The following PDXDC1 variants were observed in gnomAD, a reference collection of about 807,000 sequenced individuals.
PDXDC1 encodes the protein pyridoxal dependent decarboxylase domain containing 1, also known as pyridoxal-dependent decarboxylase domain-containing protein 1.
In PDXDC1, 42 loss-of-function variants were observed where a neutral mutation model predicts 100.1. The observed-to-expected ratio is 0.42, with a 90% confidence interval of 0.33 to 0.54. PDXDC1 has a LOEUF of 0.54. PDXDC1 is among the 20% of genes least tolerant of loss of function. PDXDC1 has a pLI of 0.10. For missense variants in PDXDC1, 636 were observed against 979.2 expected, an observed-to-expected ratio of 0.65 and a Z score of 4.68; for synonymous variants, 260 against 371.7, an observed-to-expected ratio of 0.70 and a Z score of 3.46.
Position 15,133,692 on chromosome 16 carries a change from C to T in PDXDC1, c.1400-5187C>T, listed in dbSNP as rs568888205. On this transcript the variant is annotated intron_variant, in intron 16 of 16. Transcript: ENST00000535621. ...ACCAGCGGGGCGCCAGCATCCTCCGCGTCATGCCAGCCTGAGGGACGGTCC... is the reference window on the plus strand; with the variant it reads ...ACCAGCGGGGCGCCAGCATCCTCCGTGTCATGCCAGCCTGAGGGACGGTCC... 4.1e-5 allele frequency: 65 copies of T among 1,598,572 alleles called. No homozygotes were observed. In the African/African-American group the frequency reaches 5.8e-4, roughly 14 times the overall value.
At chr16:15,061,830 G>C (rs778944403) in intron 16 of PDXDC1, 11 of 1,614,000 alleles carry the variant, frequency 6.8e-6, no homozygotes, top group Non-Finnish European at 9.3e-6. Flanking sequence ...AAGGAGCTTG[G>C]TGTGATCCCA....
At chr16:15,064,129 A>C (rs1029754767) in intron 16 of PDXDC1, among the ~76,000 whole-genome samples, 3 of 152,108 alleles carry the variant, frequency 2.0e-5, no homozygotes, top group African/African-American at 7.2e-5. Context: ...AGGCTGGCCC[A>C]GTGGTTTTCT....
At chr16:15,048,004 T>TG in intron 16 of PDXDC1, 1 of 1,610,764 alleles carries the variant, frequency 6.2e-7, no homozygotes, top group Non-Finnish European at 8.5e-7. Flanking sequence ...TACCATCCTT[T>TG]GGGGAGGTCA....
At chr16:15,007,753 G>T (rs557205425) in intron 6 of PDXDC1, among the ~76,000 whole-genome samples, 34 of 152,272 alleles carry the variant, frequency 2.2e-4, no homozygotes, top group African/African-American at 8.2e-4. Flanking sequence ...CCTCTGAAAC[G>T]TGAAATGAAT....
At chr16:15,150,367 A>C in the PDXDC1 span, among the ~76,000 whole-genome samples, 68 of 149,746 alleles carry the variant, frequency 4.5e-4, no homozygotes, top group Non-Finnish European at 3.0e-5. Context: ...ATAAATAAAT[A>C]AATAAATAAA....
intron 16 of PDXDC1, chr16:15,094,481 C>G: frequency 1.8e-6 from 1 of 560,708 alleles, no homozygotes; most frequent in Non-Finnish European, 3.1e-6. Flanking sequence ...CGGCTCCATC[C>G]AGCCCTGAGG....
intron 16 of PDXDC1, chr16:15,138,070 A>G: frequency 3.9e-6 from 2 of 515,612 alleles, no homozygotes; most frequent in Non-Finnish European, 6.9e-6. Context: ...CCAAGCAGGT[A>G]GTGAACTGCC....
chr16:14,986,106 A>G (rs1213429832), intron 1 of PDXDC1, among the ~76,000 whole-genome samples: 4 of 152,288 alleles, frequency 2.6e-5, no homozygotes, highest in Non-Finnish European at 5.9e-5. Context: ...CTCAAAAAAA[A>G]AAAAAGTTTG....
At chr16:15,102,944 A>T (rs1161579358) in intron 16 of PDXDC1, among the ~76,000 whole-genome samples, 33 of 146,790 alleles carry the variant, frequency 2.2e-4, no homozygotes, top group Non-Finnish European at 1.0e-4. Context: ...CTCAAAGGAA[A>T]TACAAATTAA....
At chr16:15,101,338 A>G (rs1390517687) in intron 16 of PDXDC1, among the ~76,000 whole-genome samples, 1 of 152,178 alleles carries the variant, frequency 6.6e-6, no homozygotes, top group Non-Finnish European at 1.5e-5. Flanking sequence ...GTTTTTTGAG[A>G]CGGAGTCTCG....
chr16:15,028,303 C>T (rs1388951670), intron 14 of PDXDC1, among the ~76,000 whole-genome samples: 2 of 152,298 alleles, frequency 1.3e-5, no homozygotes, highest in African/African-American at 4.8e-5. Flanking sequence ...ATTTCGGTCT[C>T]CACTAAGTAT....
At chr16:15,145,763 T>C in the PDXDC1 span, among the ~76,000 whole-genome samples, 1 of 152,236 alleles carries the variant, frequency 6.6e-6, no homozygotes, top group Admixed American at 6.5e-5. Flanking sequence ...GCAGGGAGAC[T>C]GTGACGCCCC....
intron 16 of PDXDC1, among the ~76,000 whole-genome samples, chr16:15,064,357 T>C (rs1356955296): frequency 6.6e-6 from 1 of 152,148 alleles, no homozygotes; most frequent in Admixed American, 6.5e-5. Context: ...GTATTTTTAG[T>C]AAAGACAGCG....
At chr16:15,025,809 A>AC (rs2042553581) in intron 13 of PDXDC1, 1 of 152,606 alleles carries the variant, frequency 6.6e-6, no homozygotes, top group African/African-American at 2.4e-5. Context: ...ATGGATGCTT[A>AC]CGGTACCCTG....
At chr16:15,041,372 G>A (rs963165925), downstream of PDXDC1, among the ~76,000 whole-genome samples, 17 of 152,056 alleles carry the variant, frequency 1.1e-4, no homozygotes, top group African/African-American at 2.9e-4. Flanking sequence ...TCTGCCACAC[G>A]GGTGGCAGCT....
intron 16 of PDXDC1, among the ~76,000 whole-genome samples, chr16:15,099,269 G>T (rs187885282): frequency 2.4e-4 from 36 of 151,282 alleles, no homozygotes; most frequent in African/African-American, 7.3e-4. Flanking sequence ...CTAAAAATAC[G>T]AATTAGCAGG....
At chr16:15,060,953 CAT>C (rs1297968698) in intron 16 of PDXDC1, 1 of 152,248 alleles carries the variant, frequency 6.6e-6, no homozygotes, top group Non-Finnish European at 1.5e-5. Context: ...AATCCAATCT[CAT>C]GTGTTTTACA....
chr16:15,040,841 G>A (rs773546448), downstream of PDXDC1, among the ~76,000 whole-genome samples: 8 of 152,132 alleles, frequency 5.3e-5, no homozygotes, highest in Admixed American at 3.9e-4. Context: ...TTGCTACCAC[G>A]TTGCTTCTTC....
intron 1 of PDXDC1, among the ~76,000 whole-genome samples, chr16:14,977,759 CTTT>C (rs1400997084): frequency 1.3e-5 from 2 of 152,228 alleles, no homozygotes; most frequent in African/African-American, 4.8e-5. Context: ...ATTCCTGTTT[CTTT>C]GAGGAATAGA....
Sources: gnomAD v4.1 joint callset for allele counts (sites outside exome capture counted in the v4.1 genomes callset) on GRCh38, gnomAD v4.1.1 for gene constraint, MANE v1.5 for transcripts, NCBI Gene and HGNC (gene_info 2026-07-23, HGNC 2026-07-21) for gene names.